The following NPIPA3 variants were observed in gnomAD, a reference collection of about 807,000 sequenced individuals.
The protein encoded by NPIPA3 is nuclear pore complex interacting protein family member A3, also known as nuclear pore complex-interacting protein family member A3.
NPIPA3 carries 1 observed loss-of-function variant against 1.4 expected under a neutral mutation model. That is an observed-to-expected ratio of 0.73 (90% CI 0.26 to 3.47). The LOEUF (loss-of-function observed/expected upper bound fraction) is 3.47, where lower values mean the gene tolerates loss of function less well. NPIPA3 is among the 30% of genes most tolerant of loss of function. The pLI is 0.19.
chr16:14,718,847 TC>T (rs1249700133), intron 2 of NPIPA3, among the ~76,000 whole-genome samples: 1 of 107,044 alleles, frequency 9.3e-6, no homozygotes, highest in African/African-American at 3.0e-5. Context: ...TGAAGTATAT[TC>T]ATGTCATTTT....
rs202166372 is a variant in NPIPA3, at chr16:14,710,033, A to G, written c.120+970A>G. 7.3e-4 allele frequency among the ~76,000 whole-genome samples: 55 copies of G among 74,932 alleles called. 2 individuals carry two copies. Among genetic ancestry groups the G allele is most frequent in the African/African-American group, 2.2e-3 (53 of 23,828 alleles). The allele number at this position is 74,932 out of a possible 152,430, so 49.2% of individuals were successfully genotyped here. On this transcript the variant is annotated intron_variant, in intron 1 of 7. Coordinates refer to ENST00000531598, the Ensembl canonical transcript of NPIPA3. ...CACACACATATATATATATATATAT[A>G]TTTTTTTTTTTTTTTTGAGACAGAG...
chr16:14,718,882 C>T (rs1165418536), intron 2 of NPIPA3, among the ~76,000 whole-genome samples: 97 of 84,294 alleles, frequency 1.2e-3, no homozygotes, highest in African/African-American at 3.4e-3. Context: ...TTTTTTGAGA[C>T]GGAGTCTCAC....
At chr16:14,713,363 TTTTATTTA>T (rs1339341909) in intron 1 of NPIPA3, among the ~76,000 whole-genome samples, 2 of 117,392 alleles carry the variant, frequency 1.7e-5, no homozygotes, top group African/African-American at 3.0e-5. Flanking sequence ...ATCTACATTA[TTTTATTTA>T]TTTATTTATT....
At chr16:14,721,908 C>T (rs2151862456) in intron 4 of NPIPA3, among the ~76,000 whole-genome samples, 1 of 1,822 alleles carries the variant, frequency 5.5e-4, no homozygotes, top group African/African-American at 6.7e-4. Context: ...CCATCTTCAC[C>T]TCATGTCTGT....
At chr16:14,709,743 C>G (rs1297858128) in intron 1 of NPIPA3, among the ~76,000 whole-genome samples, 2 of 4,784 alleles carry the variant, frequency 4.2e-4, no homozygotes, top group East Asian at 3.9e-3. Context: ...ATAAGAAATA[C>G]ATTCTACAGT....
intron 2 of NPIPA3, among the ~76,000 whole-genome samples, chr16:14,718,829 C>A (rs1487641402): frequency 2.4e-5 from 2 of 82,686 alleles, no homozygotes; most frequent in Non-Finnish European, 5.7e-5. Context: ...GTGTACAGTT[C>A]AGTTGTGTGA....
Position 14,726,111 on chromosome 16 carries a change from G to T in NPIPA3, c.928G>T (p.Glu310Ter). Reference sequence around the variant, plus strand: ...GGATGATAATCTCAAGACACCTGCGGAGTGTCTGCTCTATCCCCTTCCACC... The same window carrying T: ...GGATGATAATCTCAAGACACCTGCGTAGTGTCTGCTCTATCCCCTTCCACC... Residue 310 changes from glutamate to a stop codon, truncating the protein, a stop_gained, in exon 8 of 8, where the codon GAG (glutamate) becomes TAG (stop). Coordinates refer to ENST00000531598, the Ensembl canonical transcript of NPIPA3. LOFTEE classifies it high-confidence loss of function. 7.1e-6 allele frequency: 3 copies of T among 419,778 alleles called. 1 individual carries two copies. The highest frequency in any genetic ancestry group is 1.2e-5 in the Non-Finnish European group (3 of 245,148). The allele number at this position is 419,778 out of a possible 1,614,324, so 26.0% of individuals were successfully genotyped here. A position where few individuals can be genotyped will look rare whatever the true frequency, so the allele number is the denominator to read the frequency against.
intron 4 of NPIPA3, among the ~76,000 whole-genome samples, chr16:14,722,604 GGATCTTTAAAGTC>G (rs1451840986): frequency 2.3e-4 from 2 of 8,550 alleles, no homozygotes; most frequent in African/African-American, 3.0e-4. Flanking sequence ...TGCCTTTTCA[GGATCTTTAAAGTC>G]GATGACAAGA....
exon 8 of NPIPA3, chr16:14,725,899 C>G (rs62037507): frequency 9.9e-6 from 4 of 404,492 alleles, no homozygotes; most frequent in Non-Finnish European, 1.8e-5. Flanking sequence ...ATGGCGGCAG[C>G]GGAGCATCGT....
intron 2 of NPIPA3, among the ~76,000 whole-genome samples, chr16:14,719,558 A>G (rs1230438250): frequency 1.5e-4 from 1 of 6,856 alleles, no homozygotes; most frequent in African/African-American, 2.2e-4. Flanking sequence ...GCTGGAGTGC[A>G]GTGGTGTGAT....
chr16:14,710,018 T>C (rs1281165688), intron 1 of NPIPA3, among the ~76,000 whole-genome samples: 1 of 69,682 alleles, frequency 1.4e-5, no homozygotes, highest in African/African-American at 4.5e-5. Flanking sequence ...CACACACATA[T>C]ATATATATAT....
intron 1 of NPIPA3, among the ~76,000 whole-genome samples, chr16:14,709,993 A>T (rs1961232035): frequency 1.8e-5 from 1 of 56,890 alleles, no homozygotes; most frequent in African/African-American, 5.5e-5. Context: ...ACACACACAC[A>T]GACAGACACA....
rs1414796900 is a variant in NPIPA3 at position 14,709,748 on chromosome 16, T to A, written c.120+685T>A. Among the ~76,000 whole-genome samples, 40 of 5,510 alleles carry A rather than the reference T, an allele frequency of 7.3e-3. 1 individual carries two copies. The highest frequency in any genetic ancestry group is 0.017 in the African/African-American group (37 of 2,116). The allele number at this position is 5,510 out of a possible 152,430, so 3.6% of individuals were successfully genotyped here. A position where few individuals can be genotyped will look rare whatever the true frequency, so the allele number is the denominator to read the frequency against. On this transcript the variant is annotated intron_variant, in intron 1 of 7. Coordinates refer to ENST00000531598, the Ensembl canonical transcript of NPIPA3. ...ATGACTCATAATAAGAAATACATTC[T>A]ACAGTACATATATATGTTCTATAAT...
intron 2 of NPIPA3, among the ~76,000 whole-genome samples, chr16:14,719,471 T>G (rs1450381682): frequency 7.8e-5 from 1 of 12,752 alleles, no homozygotes; most frequent in Non-Finnish European, 2.9e-4. Flanking sequence ...ATGTCATTCT[T>G]TGTGTGTGTG....
intron 1 of NPIPA3, among the ~76,000 whole-genome samples, chr16:14,710,034 T>TA (rs1184566099): frequency 0.069 from 5,047 of 73,570 alleles, 508 homozygotes; most frequent in East Asian, 0.085. Flanking sequence ...TATATATATA[T>TA]TTTTTTTTTT....
intron 7 of NPIPA3, chr16:14,725,642 AC>A (rs1307731531): frequency 9.9e-6 from 1 of 101,202 alleles, no homozygotes; most frequent in Non-Finnish European, 2.2e-5. Context: ...ACATTTGCAG[AC>A]AGACACAGTG....
chr16:14,723,869 TG>T (rs1337674622), intron 5 of NPIPA3, among the ~76,000 whole-genome samples: 2 of 26,752 alleles, frequency 7.5e-5, no homozygotes, highest in African/African-American at 1.3e-4. Flanking sequence ...TTTTTGTTTT[TG>T]TTTTTGTTTT....
chr16:14,722,114 C>T (rs1250750416), intron 4 of NPIPA3, among the ~76,000 whole-genome samples: 1 of 15,784 alleles, frequency 6.3e-5, no homozygotes, highest in Non-Finnish European at 4.5e-4. Flanking sequence ...GTAGTGCTGT[C>T]CTCACTGGCT....
chr16:14,722,351 G>GT (rs1433151240), intron 4 of NPIPA3, among the ~76,000 whole-genome samples: 2 of 53,902 alleles, frequency 3.7e-5, no homozygotes, highest in African/African-American at 7.3e-5. Context: ...ATAAAACCAA[G>GT]TATCAGGTGA....
Sources: allele counts gnomAD v4.1 joint callset (sites outside exome capture counted in the v4.1 genomes callset), GRCh38; gene constraint gnomAD v4.1.1; transcripts MANE v1.5; gene names NCBI Gene and HGNC (gene_info 2026-07-23, HGNC 2026-07-21).